Variants in PKHD1 observed in about 807,000 individuals in gnomAD.
The protein encoded by PKHD1 is PKHD1 ciliary IPT domain containing fibrocystin/polyductin, also known as fibrocystin.
In PKHD1, 291 loss-of-function variants were observed where a neutral mutation model predicts 412.0. The observed-to-expected ratio is 0.71, with a 90% CI of 0.64 to 0.78. The LOEUF (loss-of-function observed/expected upper bound fraction) is 0.78, where lower values mean the gene tolerates loss of function less well. PKHD1 is among the 30% of genes least tolerant of loss of function. The pLI is 0.00. For synonymous variants in PKHD1, 1,777 were observed against 1,821.5 expected (o/e 0.98, Z 0.62); for missense variants, 4,825 against 4,950.7 (o/e 0.97, Z 0.76).
intron 35 of PKHD1, among the ~76,000 whole-genome samples, chr6:51,968,242 T>A (rs61198416): frequency 2.6e-5 from 4 of 151,798 alleles, no homozygotes; most frequent in Admixed American, 1.3e-4. Flanking sequence ...CAAAAAAAAA[T>A]TTTTTTACAG....
intron 4 of PKHD1, among the ~76,000 whole-genome samples, chr6:52,082,160 C>T (rs902905385): frequency 6.6e-6 from 1 of 152,098 alleles, no homozygotes; most frequent in Admixed American, 6.6e-5. Context: ...GAAACACAAT[C>T]CAGCCCCTCC....
intron 4 of PKHD1, among the ~76,000 whole-genome samples, chr6:52,082,114 A>G (rs1812118095): frequency 6.6e-6 from 1 of 152,096 alleles, no homozygotes; most frequent in Non-Finnish European, 1.5e-5. Context: ...TTAAAATCTT[A>G]ATAGCCATAG....
intron 20 of PKHD1, among the ~76,000 whole-genome samples, chr6:52,053,549 T>C (rs920043050): frequency 6.6e-6 from 1 of 152,246 alleles, no homozygotes; most frequent in Non-Finnish European, 1.5e-5. Flanking sequence ...TTAAGCAAAT[T>C]ATAATGTGAG....
At chr6:51,714,255 A>G (rs896316577) in intron 60 of PKHD1, among the ~76,000 whole-genome samples, 30 of 152,132 alleles carry the variant, frequency 2.0e-4, no homozygotes, top group African/African-American at 6.8e-4. Flanking sequence ...CAGTAGTTCC[A>G]CCTACTCGGG....
intron 60 of PKHD1, among the ~76,000 whole-genome samples, chr6:51,674,693 T>G (rs1412891364): frequency 6.6e-6 from 1 of 152,200 alleles, no homozygotes; most frequent in African/African-American, 2.4e-5. Context: ...TGATGATTTA[T>G]CCTGTGAGAA....
In PKHD1 at chr6:51,939,270, G is replaced by C. The variant is rs908916833; in HGVS notation, c.5909-4948C>G. Reference sequence around the variant, plus strand: ...CTTAGTGGCAAGTACCGCTTTTCTGGGGGGCAAGAACGCCCAGACCCCTTC... The same window carrying C: ...CTTAGTGGCAAGTACCGCTTTTCTGCGGGGCAAGAACGCCCAGACCCCTTC... On this transcript the variant is annotated intron_variant, in intron 36 of 66. Transcript: ENST00000371117. Among the ~76,000 whole-genome samples, 3 of 150,904 alleles carry C rather than the reference G, an allele frequency of 2.0e-5. 1 individual carries two copies. Among genetic ancestry groups the C allele is most frequent in the Non-Finnish European group, 4.4e-5 (3 of 67,462 alleles).
At chr6:51,849,878 G>C (rs1771879687) in intron 49 of PKHD1, among the ~76,000 whole-genome samples, 1 of 152,172 alleles carries the variant, frequency 6.6e-6, no homozygotes, top group African/African-American at 2.4e-5. Flanking sequence ...CTTTTGCTGT[G>C]CAGAAGCTCT....
At chr6:51,725,216 T>C (rs1782426552) in intron 60 of PKHD1, among the ~76,000 whole-genome samples, 1 of 152,304 alleles carries the variant, frequency 6.6e-6, no homozygotes, top group South Asian at 2.1e-4. Context: ...TGTGACATGA[T>C]TGGCATCCCC....
intron 60 of PKHD1, among the ~76,000 whole-genome samples, chr6:51,732,412 A>G (rs1783338714): frequency 6.6e-6 from 1 of 152,204 alleles, no homozygotes. Flanking sequence ...AATATCCACA[A>G]CATAAACCAC....
intron 43 of PKHD1, among the ~76,000 whole-genome samples, chr6:51,888,459 A>AT (rs57577144): frequency 0.035 from 5,220 of 150,804 alleles, 315 homozygotes; most frequent in African/African-American, 0.12. Context: ...ACACAGATGT[A>AT]TTTTTTTTTG....
At chr6:51,709,108 G>C (rs1324426830) in intron 60 of PKHD1, among the ~76,000 whole-genome samples, 1 of 152,098 alleles carries the variant, frequency 6.6e-6, no homozygotes, top group Non-Finnish European at 1.5e-5. Flanking sequence ...AACTTTCCTG[G>C]TTATCACATT....
chr6:51,665,208 A>C (rs1194130622), intron 60 of PKHD1, among the ~76,000 whole-genome samples: 1 of 152,156 alleles, frequency 6.6e-6, no homozygotes, highest in Non-Finnish European at 1.5e-5. Context: ...TTTCAAGGCT[A>C]TGTAGTCTTG....
intron 43 of PKHD1, among the ~76,000 whole-genome samples, chr6:51,898,759 G>C (rs937619977): frequency 3.2e-4 from 40 of 123,740 alleles, no homozygotes; most frequent in Admixed American, 1.8e-4. Context: ...AAAATAGATA[G>C]ACTGCTAGCA....
chr6:51,819,172 G>C (rs1028826774), intron 52 of PKHD1, among the ~76,000 whole-genome samples: 20 of 152,082 alleles, frequency 1.3e-4, no homozygotes, highest in African/African-American at 4.6e-4. Flanking sequence ...AAGCTGCTCT[G>C]TGAATAAAAG....
At chr6:52,001,577 C>G (rs62406010) in intron 35 of PKHD1, among the ~76,000 whole-genome samples, 7,895 of 151,904 alleles carry the variant, frequency 0.052, 280 homozygotes, top group East Asian at 0.11. Flanking sequence ...CTACAGGCGC[C>G]CACCACCACA....
Position 51,679,472 on chromosome 6 carries a change from G to A in PKHD1, c.10157-19503C>T, listed in dbSNP as rs78755933. On this transcript the variant is annotated intron_variant, in intron 60 of 66. Transcript: ENST00000371117. ...TGCCAACTCTCCCTGCCAGGGGAAT[G>A]TTCCCAGCTCCTGAGTGCCCATGAC... 3.3e-3 allele frequency among the ~76,000 whole-genome samples: 505 copies of A among 151,666 alleles called. 22 individuals are homozygous for A. The East Asian group carries it at 0.081, about 24-fold the overall frequency.
intron 45 of PKHD1, among the ~76,000 whole-genome samples, chr6:51,885,229 A>G (rs751834106): frequency 5.3e-5 from 8 of 152,194 alleles, no homozygotes; most frequent in Non-Finnish European, 1.2e-4. Flanking sequence ...AAGCTTCCTT[A>G]TAAGAAAATC....
In PKHD1 at chr6:52,044,975, C is replaced by G. The variant is rs959638168; in HGVS notation, c.2706G>C (p.Gln902His). The change falls in exon 25 of 67, where the codon CAG becomes CAC. Residue 902 changes from glutamine (Q) to histidine (H), a missense_variant. By Grantham distance (24) the Gln-to-His change is conservative. Transcript: ENST00000371117. Reference sequence around the variant, plus strand: ...GCCCATTCACTCTCACCTGAGTATGCTGGTTGGCAGTAGCCAACATGTCTC... The same window carrying G: ...GCCCATTCACTCTCACCTGAGTATGGTGGTTGGCAGTAGCCAACATGTCTC... Reference protein sequence around the residue: ...IFGDMLATANQHTQVVVRVND... With the variant: ...IFGDMLATANHHTQVVVRVND... 2 of 1,613,368 alleles carry G rather than the reference C, an allele frequency of 1.2e-6. No homozygotes were observed. The highest frequency in any genetic ancestry group is 1.7e-6 in the Non-Finnish European group (2 of 1,179,514).
intron 63 of PKHD1, among the ~76,000 whole-genome samples, chr6:51,646,019 T>C (rs1404411146): frequency 1.3e-5 from 2 of 152,230 alleles, no homozygotes; most frequent in Admixed American, 6.5e-5. Context: ...TTAAATTTTC[T>C]CATTGAAACT....
Sources: gnomAD v4.1 joint callset for allele counts (sites outside exome capture counted in the v4.1 genomes callset) on GRCh38, gnomAD v4.1.1 for gene constraint, MANE v1.5 for transcripts, NCBI Gene and HGNC (gene_info 2026-07-23, HGNC 2026-07-21) for gene names.